The following SLC16A5 variants were observed in gnomAD, a reference collection of about 807,000 sequenced individuals.
SLC16A5 encodes solute carrier family 16 member 5.
In SLC16A5, 29 loss-of-function variants were observed where a neutral mutation model predicts 33.2. That is an observed-to-expected ratio of 0.87 (90% CI 0.65 to 1.19). The LOEUF (loss-of-function observed/expected upper bound fraction) is 1.19. Among genes scored for constraint, SLC16A5 ranks in the 50% most tolerant of loss-of-function variants. The pLI, the probability that SLC16A5 is intolerant of heterozygous loss-of-function variation, is 0.00. For synonymous variants in SLC16A5, 248 were observed against 284.1 expected (o/e 0.87, Z 1.28); for missense variants, 606 against 678.2 (o/e 0.89, Z 1.18).
In SLC16A5 at chr17:75,103,888, A is replaced by C. The variant is rs201772727; in HGVS notation, c.1154-82A>C. ...TTCCTAGTACAGCAGAGACAAAAAT[A>C]AAATACCTGCTGTCAGGGAACACAC... is the stretch of plus-strand genomic sequence containing the variant. On this transcript the variant is annotated intron_variant, in intron 5 of 6. Transcript: ENST00000329783. 2.7e-5 allele frequency: 33 copies of C among 1,244,616 alleles called. No homozygotes were observed. In the East Asian group the frequency reaches 7.7e-4, roughly 29 times the overall value. 77.1% of individuals were successfully genotyped at this position (1,244,616 alleles called of 1,614,324 possible). A position where few individuals can be genotyped will look rare whatever the true frequency, so the allele number is the denominator to read the frequency against.
At chr17:75,089,915 A>G (rs2073615755) in intron 2 of SLC16A5, 1 of 151,906 alleles carries the variant, frequency 6.6e-6, no homozygotes, top group Non-Finnish European at 1.5e-5. Context: ...GAACAAGGAG[A>G]TCGATCTGTA....
In SLC16A5 at chr17:75,106,018, G is replaced by T; in HGVS notation, c.1503G>T (p.Trp501Cys). Reference sequence around the variant, plus strand: ...AGGCCAAGCAAACGGCTCTGGGCTGGAATAGCCCTACCTGAGTGCCCTGTT... The same window carrying T: ...AGGCCAAGCAAACGGCTCTGGGCTGTAATAGCCCTACCTGAGTGCCCTGTT... ...VLQAKQTALG[W>C]NSPT Residue 501 changes from tryptophan to cysteine, a missense_variant, in exon 7 of 7, where the codon TGG becomes TGT. By Grantham distance (215) the Trp-to-Cys change is radical. Transcript: ENST00000329783. 1 of 1,560,168 alleles carries T rather than the reference G, an allele frequency of 6.4e-7. No homozygotes were observed. Among genetic ancestry groups the T allele is most frequent in the Non-Finnish European group, 8.8e-7 (1 of 1,142,062 alleles).
chr17:75,088,995 T>C (rs1598142701), intron 1 of SLC16A5, 156 bp from the exon 2 acceptor site: 1 of 152,300 alleles, frequency 6.6e-6, no homozygotes, highest in East Asian at 1.9e-4. Flanking sequence ...ACAAAGCTGG[T>C]CTCATTGGGC....
chr17:75,103,855 A>G, intron 5 of SLC16A5, 115 bp from the exon 6 acceptor site: 1 of 874,644 alleles, frequency 1.1e-6, no homozygotes, highest in Non-Finnish European at 1.8e-6. Context: ...ACTGGGTGTC[A>G]GCCACAATTC....
Position 75,100,410 on chromosome 17 carries a change from C to T in SLC16A5, c.747C>T (p.Val249=). The change falls in exon 5 of 7, where the codon GTC becomes GTT. Residue 249 remains valine (V), a synonymous_variant. Transcript: ENST00000329783. ...ACATACTGGGTGTGATGTGGTCCGT[C>T]CTGGGCTTCCCACTGCCACAAGTCT... is the stretch of plus-strand genomic sequence containing the variant. ...CVYILGVMWS[V]LGFPLPQVFL... 1 of 1,614,250 alleles carries T rather than the reference C, an allele frequency of 6.2e-7. No individual in the cohort carries two copies. Among genetic ancestry groups the T allele is most frequent in the East Asian group, 2.2e-5 (1 of 44,886 alleles).
At chr17:75,096,809 G>A (rs1007738571) in intron 3 of SLC16A5, among the ~76,000 whole-genome samples, 1 of 149,890 alleles carries the variant, frequency 6.7e-6, no homozygotes, top group African/African-American at 2.5e-5. Context: ...TGGGATTACA[G>A]GCGTGAGCCA....
In SLC16A5 at chr17:75,097,991, G is replaced by A. The variant is rs202059856; in HGVS notation, c.200-47G>A. 92 of 1,553,600 alleles carry A rather than the reference G, an allele frequency of 5.9e-5. 1 individual carries two copies. The East Asian group carries it at 1.3e-3, about 21-fold the overall frequency. On this transcript the variant is annotated intron_variant, in intron 3 of 6. Coordinates refer to ENST00000329783, the MANE Select transcript of SLC16A5 (RefSeq NM_004695.4). The stretch of plus-strand genomic sequence containing the variant: ...TCTCCAGCCACTCTCCTCCTCTCCC[G>A]CCACCTCCTCATTCAGCTGCTACCT...
chr17:75,105,605 G>T (rs2073853035), intron 6 of SLC16A5: 1 of 985,270 alleles, frequency 1.0e-6, no homozygotes, highest in African/African-American at 1.7e-5. Context: ...CCACCCAGGG[G>T]CTGGCTGTCA....
intron 2 of SLC16A5, among the ~76,000 whole-genome samples, chr17:75,091,662 G>A (rs2073638980): frequency 6.6e-6 from 1 of 152,222 alleles, no homozygotes; most frequent in African/African-American, 2.4e-5. Flanking sequence ...TTGGCAGGAA[G>A]AGGGGGTTTC....
intron 2 of SLC16A5, among the ~76,000 whole-genome samples, chr17:75,092,847 G>A (rs2073659820): frequency 6.8e-6 from 1 of 147,090 alleles, no homozygotes. Context: ...GTGTGTGTGT[G>A]TGTGTGTGTG....
chr17:75,100,971 C>G (rs11077775), intron 5 of SLC16A5, among the ~76,000 whole-genome samples, 155 bp downstream of exon 5: 83,169 of 151,944 alleles, frequency 0.55, 24,135 homozygotes, highest in African/African-American at 0.76. Flanking sequence ...GGGTTTGGCC[C>G]GGCGCGGTGG....
In SLC16A5 at chr17:75,104,146, GACGGTCCTGGGAAGCA is replaced by G; in HGVS notation, c.1338_1353del (p.Gly447LeufsTer59). The stretch of plus-strand genomic sequence containing the variant: ...GCGGGATCTTTTCTTGGAAGCCAAA[GACGGTCCTGGGAAGCA>G]ACGGTCCCCTGAGATCATGTATGTA... On this transcript the variant is annotated frameshift_variant, in exon 6 of 7. Transcript: ENST00000329783. LOFTEE classifies it low-confidence loss of function (END_TRUNC). 6.2e-7 allele frequency: 1 copy of G among 1,614,210 alleles called. No homozygotes were observed. The highest frequency in any genetic ancestry group is 8.5e-7 in the Non-Finnish European group (1 of 1,180,044).
rs181520943 is a variant in SLC16A5, at chr17:75,094,934, G to A, written c.199+1099G>A. On this transcript the variant is annotated intron_variant, in intron 3 of 6. Coordinates refer to ENST00000329783, the MANE Select transcript of SLC16A5 (RefSeq NM_004695.4). ...GGCAGAGGGAGGGTTCTCTGCAGTC[G>A]CCGTGGACACAGGGACCTGCCCTCA... Among the ~76,000 whole-genome samples the A allele has an allele frequency of 1.1e-3, 171 of 152,248 alleles. 2 individuals carry two copies. In the East Asian group the frequency reaches 0.021, roughly 19 times the overall value.
At position 75,104,258 on chromosome 17, in the gene SLC16A5, G is replaced by C. The variant is rs916437310; in HGVS notation, c.1364+78G>C. ...GTCCTGGGATCACTGAGTGAACACT[G>C]TCTCAGCCCAGCCCAGGAGGGGGAC... On this transcript the variant is annotated intron_variant, in intron 6 of 6. Transcript: ENST00000329783. 8 of 1,559,904 alleles carry C rather than the reference G, an allele frequency of 5.1e-6. No homozygotes were observed. In the African/African-American group the frequency reaches 9.5e-5, roughly 19 times the overall value.
At chr17:75,095,218 C>A (rs370159758) in intron 3 of SLC16A5, among the ~76,000 whole-genome samples, 1 of 152,186 alleles carries the variant, frequency 6.6e-6, no homozygotes, top group Non-Finnish European at 1.5e-5. Flanking sequence ...TCTGAATCTG[C>A]CACATGGCCT....
At chr17:75,103,356 G>A (rs766860705) in intron 5 of SLC16A5, among the ~76,000 whole-genome samples, 1 of 141,536 alleles carries the variant, frequency 7.1e-6, no homozygotes, top group Non-Finnish European at 1.5e-5. Context: ...TTTTAATGGA[G>A]TCTCACTCTG....
chr17:75,100,160 T>C lies in SLC16A5; in HGVS notation c.497T>C (p.Leu166Pro). 6.2e-7 allele frequency: 1 copy of C among 1,614,212 alleles called. No individual in the cohort carries two copies. The highest frequency in any genetic ancestry group is 1.3e-5 in the African/African-American group (1 of 75,064). Residue 166 changes from leucine to proline, a missense_variant, in exon 5 of 7, where the codon CTG becomes CCG. By Grantham distance (98) the Leu-to-Pro change is moderately conservative. Coordinates refer to ENST00000329783, the MANE Select transcript of SLC16A5 (RefSeq NM_004695.4). ...CTCTCCCGCTACCTTCTGGAGAACC[T>C]GGGCTGGAGGGGTACCTTCCTTGTC... ...PLLSRYLLEN[L>P]GWRGTFLVFG...
chr17:75,108,695 G>T (rs1250413670), downstream of SLC16A5, among the ~76,000 whole-genome samples: 1 of 152,144 alleles, frequency 6.6e-6, no homozygotes, highest in African/African-American at 2.4e-5. Flanking sequence ...AGGAAGACAG[G>T]CTTTAAGGGA....
At position 75,093,508 on chromosome 17, in the gene SLC16A5, G is replaced by C. The variant is rs763072231; in HGVS notation, c.-48-81G>C. ...TTGGGTATGAGGAAGGGATGGCTTAGCTGCCCAGAGAAGGTGGCAGGTGGG... is the reference window on the plus strand; with the variant it reads ...TTGGGTATGAGGAAGGGATGGCTTACCTGCCCAGAGAAGGTGGCAGGTGGG... On this transcript the variant is annotated intron_variant, in intron 2 of 6. Coordinates refer to ENST00000329783, the MANE Select transcript of SLC16A5 (RefSeq NM_004695.4). 2.0e-6 allele frequency: 3 copies of C among 1,537,140 alleles called. No individual in the cohort carries two copies. In the African/African-American group the frequency reaches 4.1e-5, roughly 21 times the overall value.
Sources: gnomAD v4.1 joint callset for allele counts (sites outside exome capture counted in the v4.1 genomes callset) on GRCh38, gnomAD v4.1.1 for gene constraint, MANE v1.5 for transcripts, NCBI Gene and HGNC (gene_info 2026-07-23, HGNC 2026-07-21) for gene names.